AFF3: variants seen among roughly 807,000 people sequenced by gnomAD.
AFF3 encodes AF4/FMR2 family member 3.
Under a neutral mutation model 129.7 loss-of-function variants are expected in AFF3, and 32 were observed. That is an observed-to-expected ratio of 0.25 (90% CI 0.19 to 0.33). The LOEUF (loss-of-function observed/expected upper bound fraction) is 0.33, where lower values mean the gene tolerates loss of function less well. Ranked by LOEUF, AFF3 falls within the 10% of genes least tolerant of loss-of-function variation. The probability of loss-of-function intolerance (pLI) is 1.00; values close to 1 mark genes in which losing one functional copy is unlikely to be tolerated. For missense variants in AFF3, 1,373 were observed against 1,592.0 expected (o/e 0.86, Z 2.34); for synonymous variants, 644 against 635.4 (o/e 1.01, Z -0.20).
rs542694756 is a variant in AFF3, at chr2:99,619,115, G to A, written c.1185-17494C>T. ...AGAGACTGCAAGGACCCAGAGAGAT[G>A]GCAGTGCCCAGATCTTAGTCTGGAA... On this transcript the variant is annotated intron_variant, in intron 13 of 24. Transcript: ENST00000672756. Among the ~76,000 whole-genome samples the A allele has an allele frequency of 2.6e-5, 4 of 152,282 alleles. No homozygotes were observed. In the Middle Eastern group the frequency reaches 0.01, roughly 388 times the overall value.
intron 13 of AFF3, among the ~76,000 whole-genome samples, chr2:99,637,402 A>G (rs772646627): frequency 6.6e-6 from 1 of 152,262 alleles, no homozygotes; most frequent in Non-Finnish European, 1.5e-5. Flanking sequence ...TCAGAAACAC[A>G]TACGGGCACT....
intron 4 of AFF3, among the ~76,000 whole-genome samples, chr2:100,081,230 A>G (rs1467162595): frequency 6.6e-6 from 1 of 152,134 alleles, no homozygotes; most frequent in Non-Finnish European, 1.5e-5. Context: ...AAGTTACAAA[A>G]TTACACTTGT....
In AFF3 at chr2:99,624,994, G is replaced by A. The variant is rs542296856; in HGVS notation, c.1185-23373C>T. Among the ~76,000 whole-genome samples the A allele has an allele frequency of 5.9e-5, 9 of 152,274 alleles. No individual in the cohort carries two copies. The South Asian group carries it at 6.2e-4, about 11-fold the overall frequency. The stretch of plus-strand genomic sequence containing the variant: ...TGACACACACAAGATACAGTCTCTC[G>A]TGGAAAATCTGGAGGAACGGTTGTG... On this transcript the variant is annotated intron_variant, in intron 13 of 24. Transcript: ENST00000672756.
intron 11 of AFF3, among the ~76,000 whole-genome samples, chr2:99,698,035 C>G (rs774831087): frequency 2.0e-5 from 3 of 151,950 alleles, no homozygotes; most frequent in Non-Finnish European, 2.9e-5. Flanking sequence ...AAATATAATT[C>G]CAAGTGTGTA....
At chr2:99,744,290 G>A in intron 9 of AFF3, 150 bp from the exon 10 acceptor site, 3 of 604,358 alleles carry the variant, frequency 5.0e-6, no homozygotes, top group South Asian at 4.8e-5. Flanking sequence ...TATACATGAA[G>A]GTGGACACAT....
intron 4 of AFF3, among the ~76,000 whole-genome samples, chr2:100,104,019 G>C (rs1260668137): frequency 6.6e-6 from 1 of 151,576 alleles, no homozygotes. Flanking sequence ...CCGGAGGAGG[G>C]AGGGGGCGCA....
chr2:99,757,228 G>A (rs574874404), intron 8 of AFF3, among the ~76,000 whole-genome samples: 2 of 152,152 alleles, frequency 1.3e-5, no homozygotes, highest in African/African-American at 4.8e-5. Context: ...AGCACATCCA[G>A]GTCTAACGTG....
At chr2:99,903,301 T>C (rs916484647) in intron 7 of AFF3, among the ~76,000 whole-genome samples, 4 of 152,184 alleles carry the variant, frequency 2.6e-5, no homozygotes, top group Non-Finnish European at 5.9e-5. Flanking sequence ...CAATGATATA[T>C]GGTAACAAAC....
At chr2:99,623,657 C>A (rs895893053) in intron 13 of AFF3, among the ~76,000 whole-genome samples, 1 of 152,182 alleles carries the variant, frequency 6.6e-6, no homozygotes, top group Non-Finnish European at 1.5e-5. Context: ...GGGTTAGGGT[C>A]GGGGAGAGGC....
intron 8 of AFF3, among the ~76,000 whole-genome samples, chr2:99,793,395 T>C (rs920370772): frequency 1.3e-5 from 2 of 152,220 alleles, no homozygotes; most frequent in African/African-American, 4.8e-5. Context: ...GGCATTCCTT[T>C]ACAGCAACAC....
Position 100,104,513 on chromosome 2 carries a change from C to T in AFF3, c.-59G>A. The T allele has an allele frequency of 1.6e-6, 2 of 1,268,242 alleles. No individual in the cohort carries two copies. Among genetic ancestry groups the T allele is most frequent in the Non-Finnish European group, 1.0e-6 (1 of 981,000 alleles). The allele number at this position is 1,268,242 out of a possible 1,614,324, so 78.6% of individuals were successfully genotyped here. On this transcript the variant is annotated 5_prime_UTR_variant, in exon 4 of 25. Coordinates refer to ENST00000672756, the MANE Select transcript of AFF3 (RefSeq NM_001386135.1). ...CGCCGCCGCCGAGGCTCGGGCCGCC[C>T]GCGCGCTGCAACGAAAGGCGCCGCT...
chr2:99,698,161 T>C (rs1348330598), intron 11 of AFF3, among the ~76,000 whole-genome samples: 1 of 152,198 alleles, frequency 6.6e-6, no homozygotes, highest in African/African-American at 2.4e-5. Context: ...TAATCTAATC[T>C]GTGCAACAAT....
chr2:99,622,198 G>A (rs1682088316), intron 13 of AFF3, among the ~76,000 whole-genome samples: 1 of 152,086 alleles, frequency 6.6e-6, no homozygotes, highest in South Asian at 2.1e-4. Context: ...GAGGGTGGGT[G>A]CGTTCTCCTC....
At chr2:99,754,389 T>C (rs1338963279) in intron 8 of AFF3, among the ~76,000 whole-genome samples, 2 of 152,194 alleles carry the variant, frequency 1.3e-5, no homozygotes, top group Non-Finnish European at 2.9e-5. Flanking sequence ...GGGGACAACA[T>C]TGCGAAGTAC....
At chr2:99,817,828 A>G (rs1052332357) in intron 8 of AFF3, among the ~76,000 whole-genome samples, 1 of 152,244 alleles carries the variant, frequency 6.6e-6, no homozygotes, top group African/African-American at 2.4e-5. Flanking sequence ...TGTATTTACT[A>G]CATTGAATAT....
At chr2:99,671,851 A>G (rs1687171088) in intron 12 of AFF3, among the ~76,000 whole-genome samples, 1 of 152,194 alleles carries the variant, frequency 6.6e-6, no homozygotes, top group Non-Finnish European at 1.5e-5. Context: ...CTTGAAATGC[A>G]GAAGTGAAAG....
chr2:100,105,857 C>G, intron 2 of AFF3: 6 of 1,336,572 alleles, frequency 4.5e-6, no homozygotes, highest in Non-Finnish European at 6.0e-6. Flanking sequence ...TGCAGTTGTG[C>G]CTCACCACGC....
At chr2:100,111,822 T>C (rs964924431) in intron 2 of AFF3, among the ~76,000 whole-genome samples, 1 of 152,180 alleles carries the variant, frequency 6.6e-6, no homozygotes, top group African/African-American at 2.4e-5. Flanking sequence ...GGAGAAGCCA[T>C]CAAGTCTCTC....
At chr2:100,114,168 G>A (rs1691633638) in intron 2 of AFF3, among the ~76,000 whole-genome samples, 1 of 152,136 alleles carries the variant, frequency 6.6e-6, no homozygotes, top group Non-Finnish European at 1.5e-5. Flanking sequence ...ATTCAGCCCA[G>A]GGGTTTTTCT....
Sources: gnomAD v4.1 joint callset for allele counts (sites outside exome capture counted in the v4.1 genomes callset) on GRCh38, gnomAD v4.1.1 for gene constraint, MANE v1.5 for transcripts, NCBI Gene and HGNC (gene_info 2026-07-23, HGNC 2026-07-21) for gene names.